GNAT3: variants seen among roughly 807,000 people sequenced by gnomAD.
GNAT3 encodes guanine nucleotide-binding protein G(t) subunit alpha-3.
Under a neutral mutation model 37.7 loss-of-function variants are expected in GNAT3, and 31 were observed. The observed-to-expected ratio is 0.82, with a 90% confidence interval of 0.62 to 1.11. The LOEUF is 1.11. Ranked by LOEUF, GNAT3 falls within the 50% of genes most tolerant of loss-of-function variation. The probability of loss-of-function intolerance (pLI) is 0.00; values close to 1 mark genes in which losing one functional copy is unlikely to be tolerated. For synonymous variants in GNAT3, 138 were observed against 139.8 expected, an observed-to-expected ratio of 0.99 and a Z score of 0.09; for missense variants, 437 against 412.5, an observed-to-expected ratio of 1.06 and a Z score of -0.51.
intron 3 of GNAT3, among the ~76,000 whole-genome samples, chr7:80,481,321 C>G (rs1584179067): frequency 2.0e-5 from 3 of 152,086 alleles, no homozygotes; most frequent in African/African-American, 7.2e-5. Context: ...TCCCTCTTGG[C>G]CAACAGAATT....
chr7:80,463,977 A>C (rs1306837202), intron 5 of GNAT3, among the ~76,000 whole-genome samples: 1 of 151,628 alleles, frequency 6.6e-6, no homozygotes, highest in East Asian at 2.0e-4. Flanking sequence ...TGGCCTAATA[A>C]TTATCAATTT....
intron 5 of GNAT3, among the ~76,000 whole-genome samples, chr7:80,467,797 T>C (rs1030982995): frequency 9.2e-5 from 14 of 152,010 alleles, no homozygotes; most frequent in Admixed American, 8.5e-4. Context: ...TGGTCAAATA[T>C]AATAGATTAT....
intron 3 of GNAT3, among the ~76,000 whole-genome samples, chr7:80,487,320 A>T (rs924626353): frequency 2.0e-5 from 3 of 152,118 alleles, no homozygotes; most frequent in African/African-American, 7.2e-5. Flanking sequence ...CCTTTTACAC[A>T]TGAGAGGGAA....
At chr7:80,494,175 A>C (rs947817084) in intron 2 of GNAT3, among the ~76,000 whole-genome samples, 2 of 152,206 alleles carry the variant, frequency 1.3e-5, no homozygotes, top group African/African-American at 4.8e-5. Flanking sequence ...AAACAAATGC[A>C]AAAATACATC....
intron 3 of GNAT3, among the ~76,000 whole-genome samples, chr7:80,485,012 T>C (rs1191173236): frequency 6.6e-6 from 1 of 152,122 alleles, no homozygotes; most frequent in Non-Finnish European, 1.5e-5. Flanking sequence ...TATTTAATAG[T>C]TTCCTTTCTT....
chr7:80,488,726 C>T (rs1301344115), intron 2 of GNAT3, 50 bp from the exon 3 acceptor site: 1 of 1,332,642 alleles, frequency 7.5e-7, no homozygotes, highest in Non-Finnish European at 1.0e-6. Context: ...TTGATTGTAA[C>T]ACTAAAGCAC....
At position 80,469,310 on chromosome 7, in the gene GNAT3, C is replaced by T. The variant is rs1042663544; in HGVS notation, c.590+4941G>A. ...CATATAGTTTTAAGTCCTTTCAATTCTGTTTTTCCATCATGGAAAAATTAG... is the reference window on the plus strand; with the variant it reads ...CATATAGTTTTAAGTCCTTTCAATTTTGTTTTTCCATCATGGAAAAATTAG... On this transcript the variant is annotated intron_variant, in intron 5 of 7. Coordinates refer to ENST00000398291, the MANE Select transcript of GNAT3 (RefSeq NM_001102386.3). 2.6e-5 allele frequency among the ~76,000 whole-genome samples: 4 copies of T among 152,154 alleles called. No homozygotes were observed. The East Asian group carries it at 7.7e-4, about 29-fold the overall frequency.
rs1262196505 is a variant in GNAT3, at chr7:80,465,747, A to C, written c.591-3116T>G. On this transcript the variant is annotated intron_variant, in intron 5 of 7. Transcript: ENST00000398291. ...GTAGTTCTATGTTGTCAAACAGGTC[A>C]CTGGGCAAAAAAATTAAACTCCCTT... Among the ~76,000 whole-genome samples, 3 of 152,210 alleles carry C rather than the reference A, an allele frequency of 2.0e-5. No homozygotes were observed. In the East Asian group the frequency reaches 5.8e-4, roughly 29 times the overall value.
At chr7:80,472,543 G>A (rs1283887458) in intron 5 of GNAT3, among the ~76,000 whole-genome samples, 1 of 152,156 alleles carries the variant, frequency 6.6e-6, no homozygotes, top group East Asian at 1.9e-4. Context: ...AAGTACAAAG[G>A]CTTGAAATGT....
At chr7:80,511,251 AT>A (rs1347289971) in intron 1 of GNAT3, among the ~76,000 whole-genome samples, 1 of 152,110 alleles carries the variant, frequency 6.6e-6, no homozygotes, top group Non-Finnish European at 1.5e-5. Flanking sequence ...TAGGTAGAGT[AT>A]TTTTCAAGTG....
intron 3 of GNAT3, among the ~76,000 whole-genome samples, chr7:80,484,745 T>A (rs7783668): frequency 6.6e-6 from 1 of 151,994 alleles, no homozygotes; most frequent in East Asian, 1.9e-4. Flanking sequence ...TCAAGTTCTA[T>A]GCTTAGGAAA....
rs766464364 is a variant in GNAT3 at position 80,462,511 on chromosome 7, G to A, written c.711C>T (p.Asp237=). ...TTTCCTTTAGACTTACCACTTCTTC[G>A]TCTTCCACGAGGACCATGTCATAGG... ...LSAYDMVLVE[D]EEVNRMHESL... is the part of the protein sequence containing the mutation. The change falls in exon 6 of 8, where the codon GAC becomes GAT. Residue 237 remains aspartate, a synonymous_variant. Transcript: ENST00000398291. 33 of 1,612,710 alleles carry A rather than the reference G, an allele frequency of 2.0e-5. No individual in the cohort carries two copies. In the East Asian group the frequency reaches 3.1e-4, roughly 15 times the overall value.
At chr7:80,482,072 C>T (rs545844826) in intron 3 of GNAT3, among the ~76,000 whole-genome samples, 4 of 152,246 alleles carry the variant, frequency 2.6e-5, no homozygotes, top group African/African-American at 7.2e-5. Context: ...CTCAGGACCT[C>T]CTGAGGCTGT....
intron 5 of GNAT3, among the ~76,000 whole-genome samples, chr7:80,473,820 A>C (rs1172398503): frequency 6.6e-6 from 1 of 152,144 alleles, no homozygotes; most frequent in Non-Finnish European, 1.5e-5. Context: ...AATAATTCTC[A>C]TCTTGGTAAT....
chr7:80,500,660 G>T (rs1790815504), intron 1 of GNAT3, among the ~76,000 whole-genome samples: 1 of 151,934 alleles, frequency 6.6e-6, no homozygotes, highest in Non-Finnish European at 1.5e-5. Context: ...GTTACTGAAG[G>T]TTTTTGTACC....
rs541977150 is a variant in GNAT3, at chr7:80,496,906, G to T, written c.119-2259C>A. ...GTAAATATATCTAGTTTCTGCAGTTGTCTGAAACAGCTGTCCACCTTATGT... is the reference window on the plus strand; with the variant it reads ...GTAAATATATCTAGTTTCTGCAGTTTTCTGAAACAGCTGTCCACCTTATGT... On this transcript the variant is annotated intron_variant, in intron 1 of 7. Transcript: ENST00000398291. Among the ~76,000 whole-genome samples the T allele has an allele frequency of 4.0e-5, 6 of 148,238 alleles. No individual in the cohort carries two copies. The South Asian group carries it at 1.1e-3, about 26-fold the overall frequency.
At chr7:80,480,603 G>T (rs955721917) in intron 3 of GNAT3, among the ~76,000 whole-genome samples, 22 of 152,104 alleles carry the variant, frequency 1.4e-4, no homozygotes, top group African/African-American at 5.3e-4. Context: ...GCTGCTGGTT[G>T]TTCATTTTTG....
intron 5 of GNAT3, among the ~76,000 whole-genome samples, chr7:80,472,344 C>T (rs1329300615): frequency 1.3e-5 from 2 of 152,060 alleles, no homozygotes; most frequent in African/African-American, 4.8e-5. Flanking sequence ...CTTACTGCCC[C>T]AGAAACCCTG....
chr7:80,498,211 A>AG (rs996307007), intron 1 of GNAT3, among the ~76,000 whole-genome samples: 11 of 152,106 alleles, frequency 7.2e-5, no homozygotes, highest in Admixed American at 2.0e-4. Context: ...GATAACACTA[A>AG]GTTGTGGCAT....
Sources: gnomAD v4.1 joint callset for allele counts (sites outside exome capture counted in the v4.1 genomes callset) on GRCh38, gnomAD v4.1.1 for gene constraint, MANE v1.5 for transcripts, NCBI Gene and HGNC (gene_info 2026-07-23, HGNC 2026-07-21) for gene names.